The following CEP83 variants were observed in gnomAD, a reference collection of about 807,000 sequenced individuals.
CEP83 encodes centrosomal protein 83, also known as centrosomal protein of 83 kDa.
A neutral mutation model predicts 101.9 loss-of-function variants in CEP83; 70 were observed. The observed-to-expected ratio is 0.69, with a 90% confidence interval of 0.57 to 0.84. The LOEUF (loss-of-function observed/expected upper bound fraction) is 0.84, where lower values mean the gene tolerates loss of function less well. CEP83 is among the 40% of genes least tolerant of loss of function. The probability of loss-of-function intolerance (pLI) is 0.00; values close to 1 mark genes in which losing one functional copy is unlikely to be tolerated. For synonymous variants in CEP83, 264 were observed against 267.9 expected (o/e 0.99, Z 0.14); for missense variants, 715 against 787.2 (o/e 0.91, Z 1.10).
chr12:94,318,567 T>C (rs1214387665), intron 14 of CEP83, among the ~76,000 whole-genome samples: 1 of 152,214 alleles, frequency 6.6e-6, no homozygotes, highest in African/African-American at 2.4e-5. Flanking sequence ...CAGATGGCTC[T>C]CACATTTTGT....
chr12:94,377,473 C>T lies in CEP83; in HGVS notation c.801+1318G>A, dbSNP rs368984639. ...AGTCAAACCACCTTAAGTTGGGGAA[C>T]ATCTAGCTTAAATGTGGTAAGGACT... On this transcript the variant is annotated intron_variant, in intron 7 of 16. Transcript: ENST00000397809. Among the ~76,000 whole-genome samples, 13 of 152,186 alleles carry T rather than the reference C, an allele frequency of 8.5e-5. No individual in the cohort carries two copies. The East Asian group carries it at 1.4e-3, about 16-fold the overall frequency.
downstream of CEP83, chr12:94,305,239 A>G (rs1331162154): frequency 1.9e-6 from 3 of 1,611,562 alleles, no homozygotes; most frequent in East Asian, 2.2e-5. Context: ...CAACTCTTGC[A>G]TGTAAAAGTC....
chr12:94,305,548 G>T, downstream of CEP83: 1 of 391,628 alleles, frequency 2.6e-6, no homozygotes, highest in Non-Finnish European at 4.6e-6. Flanking sequence ...GAGAATACAA[G>T]GCCAGTAAGC....
intron 1 of CEP83, among the ~76,000 whole-genome samples, chr12:94,454,097 A>G (rs898605175): frequency 2.3e-5 from 3 of 130,578 alleles, no homozygotes; most frequent in Non-Finnish European, 3.5e-5. Context: ...CTATGTCTCA[A>G]AAAAAAAAAA....
In CEP83 at chr12:94,324,014, T is replaced by C. The variant is rs950488700; in HGVS notation, c.1707+7686A>G. On this transcript the variant is annotated intron_variant, in intron 14 of 16. Transcript: ENST00000397809. ...ATTTTGCATGTTAAGCCACCTATAT[T>C]CCCAGAATAAAACCTAAATGCTCAT... Among the ~76,000 whole-genome samples, 7 of 152,326 alleles carry C rather than the reference T, an allele frequency of 4.6e-5. No homozygotes were observed. In the East Asian group the frequency reaches 1.3e-3, roughly 29 times the overall value.
intron 15 of CEP83, chr12:94,312,625 G>C: frequency 5.1e-6 from 5 of 985,314 alleles, no homozygotes; most frequent in Non-Finnish European, 6.0e-6. Context: ...AGCTACAACT[G>C]TCTTGTACAG....
intron 11 of CEP83, among the ~76,000 whole-genome samples, chr12:94,355,231 C>T (rs1440597333): frequency 1.3e-5 from 2 of 152,124 alleles, no homozygotes. Flanking sequence ...CAGTGGCTCA[C>T]ACCTGTAATC....
intron 6 of CEP83, among the ~76,000 whole-genome samples, chr12:94,383,663 T>C (rs1218489774): frequency 1.3e-5 from 2 of 152,148 alleles, no homozygotes; most frequent in African/African-American, 2.4e-5. Flanking sequence ...CGTTAAGCCA[T>C]TTTGGTCTGT....
At position 94,459,822 on chromosome 12, in the gene CEP83, C is replaced by T. The variant is rs2068015084; in HGVS notation, c.-420G>A. ...AGAGGTCCGAGGGCGGCGGCGGCGG[C>T]GGTGAAAAGCCCCACTCCTCCGCGT... is the stretch of plus-strand genomic sequence containing the variant. On this transcript the variant is annotated 5_prime_UTR_variant, in exon 1 of 17. Transcript: ENST00000397809. 6.5e-6 allele frequency: 1 copy of T among 153,784 alleles called. No homozygotes were observed. Among genetic ancestry groups the T allele is most frequent in the Non-Finnish European group, 1.4e-5 (1 of 69,042 alleles). The allele number at this position is 153,784 out of a possible 1,614,324, so 9.5% of individuals were successfully genotyped here.
Position 94,369,964 on chromosome 12 carries a change from C to T in CEP83, c.1006G>A (p.Glu336Lys), listed in dbSNP as rs772817079. 1 of 1,609,764 alleles carries T rather than the reference C, an allele frequency of 6.2e-7. No homozygotes were observed. The highest frequency in any genetic ancestry group is 8.5e-7 in the Non-Finnish European group (1 of 1,176,642). ...IKLETARAKS[E>K]LERERNKIQS... ...ATCTTATTCCTTTCTCTTTCTAGCT[C>T]ACTCTTAGCTCTTGCTGTCTCCAGT... Residue 336 changes from glutamate (E) to lysine (K), a missense_variant, in exon 9 of 17, where the codon GAG (glutamate) becomes AAG (lysine). Physicochemically the swap from Glu to Lys is moderately conservative, Grantham distance 56 (BLOSUM62 1). Transcript: ENST00000397809.
chr12:94,328,539 A>T (rs1465218054), intron 14 of CEP83, among the ~76,000 whole-genome samples: 2 of 152,218 alleles, frequency 1.3e-5, no homozygotes, highest in Non-Finnish European at 2.9e-5. Context: ...ATCTTACGGC[A>T]AAAAATGCTA....
Position 94,313,126 on chromosome 12 carries a change from T to C in CEP83, c.1708-109A>G, listed in dbSNP as rs1367284342. Reference sequence around the variant, plus strand: ...AAACTGTGTTTAGATATGAATGTTTTCAGTGAATACTAGAAACAAAGGTTA... The same window carrying C: ...AAACTGTGTTTAGATATGAATGTTTCCAGTGAATACTAGAAACAAAGGTTA... On this transcript the variant is annotated intron_variant, in intron 14 of 16. Coordinates refer to ENST00000397809, the MANE Select transcript of CEP83 (RefSeq NM_016122.3). 1.5e-5 allele frequency: 8 copies of C among 523,234 alleles called. No individual in the cohort carries two copies. In the Admixed American group the frequency reaches 3.1e-4, roughly 20 times the overall value. The allele number at this position is 523,234 out of a possible 1,614,324, so 32.4% of individuals were successfully genotyped here.
At chr12:94,339,688 A>G (rs184155871) in intron 11 of CEP83, among the ~76,000 whole-genome samples, 11 of 152,348 alleles carry the variant, frequency 7.2e-5, no homozygotes, top group East Asian at 3.9e-4. Flanking sequence ...AAAGAGTCCT[A>G]CAAGTCTCAT....
At chr12:94,278,001 T>C in the CEP83 span, 5 of 455,986 alleles carry the variant, frequency 1.1e-5, no homozygotes, top group Admixed American at 2.4e-5. Context: ...AGCCTCTGCA[T>C]ATATACCTGG....
chr12:94,431,466 T>G (rs2065620044), intron 2 of CEP83, among the ~76,000 whole-genome samples: 1 of 151,786 alleles, frequency 6.6e-6, no homozygotes, highest in Non-Finnish European at 1.5e-5. Flanking sequence ...ACTAAAAAGC[T>G]TCAACACAGC....
At chr12:94,293,692 C>T in the CEP83 span, among the ~76,000 whole-genome samples, 9,383 of 152,260 alleles carry the variant, frequency 0.062, 351 homozygotes, top group Admixed American at 0.089. Context: ...AGTCAGGGCT[C>T]ACTGCAGCCT....
At chr12:94,385,922 A>G (rs988185321) in intron 6 of CEP83, among the ~76,000 whole-genome samples, 1 of 152,196 alleles carries the variant, frequency 6.6e-6, no homozygotes, top group African/African-American at 2.4e-5. Flanking sequence ...CCATTATGTT[A>G]CAATGCCTAC....
At chr12:94,399,682 C>T (rs898226242) in intron 6 of CEP83, among the ~76,000 whole-genome samples, 7 of 152,130 alleles carry the variant, frequency 4.6e-5, no homozygotes, top group African/African-American at 1.4e-4. Flanking sequence ...TATTATTGCG[C>T]CACTGCATTC....
At chr12:94,366,479 A>G (rs2061034327) in intron 11 of CEP83, among the ~76,000 whole-genome samples, 1 of 152,176 alleles carries the variant, frequency 6.6e-6, no homozygotes, top group African/African-American at 2.4e-5. Context: ...GACTGAGGAA[A>G]TAAGTAAATA....
Sources: gnomAD v4.1 joint callset for allele counts (sites outside exome capture counted in the v4.1 genomes callset) on GRCh38, gnomAD v4.1.1 for gene constraint, MANE v1.5 for transcripts, NCBI Gene and HGNC (gene_info 2026-07-23, HGNC 2026-07-21) for gene names.